MED12L: variants seen among roughly 807,000 people sequenced by gnomAD.
MED12L encodes the protein mediator of RNA polymerase II transcription subunit 12-like protein.
Under a neutral mutation model 281.3 loss-of-function variants are expected in MED12L, and 60 were observed. That is an observed-to-expected ratio of 0.21 (90% confidence interval 0.17 to 0.26). MED12L has a LOEUF of 0.26. MED12L is among the 10% of genes least tolerant of loss of function. The pLI is 1.00. For missense variants in MED12L, 2,146 were observed against 2,680.9 expected (o/e 0.80, Z 4.41); for synonymous variants, 974 against 987.2 (o/e 0.99, Z 0.25).
intron 2 of MED12L, among the ~76,000 whole-genome samples, chr3:151,112,333 T>C (rs573043344): frequency 8.0e-5 from 12 of 150,200 alleles, no homozygotes; most frequent in African/African-American, 2.9e-4. Context: ...CAGGCTGGAG[T>C]GCAGCAGCAC....
Position 151,433,091 on chromosome 3 carries a change from GCTT to G in MED12L, c.*288_*290del, listed in dbSNP as rs941320769. ...TGCTAGCAGACCTTTTGAAATTGGT[GCTT>G]TTTTTGAATCTCACATTTCTAGAAA... On this transcript the variant is annotated 3_prime_UTR_variant, in exon 45 of 45. Coordinates refer to ENST00000687756, the MANE Select transcript of MED12L (RefSeq NM_001393769.1). The G allele has an allele frequency of 6.8e-6, 2 of 293,838 alleles. No individual in the cohort carries two copies. Among genetic ancestry groups the G allele is most frequent in the African/African-American group, 4.4e-5 (2 of 45,860 alleles). 18.2% of individuals were successfully genotyped at this position (293,838 alleles called of 1,614,324 possible).
intron 16 of MED12L, among the ~76,000 whole-genome samples, chr3:151,215,241 A>G (rs573023589): frequency 6.6e-6 from 1 of 152,328 alleles, no homozygotes; most frequent in Admixed American, 6.5e-5. Flanking sequence ...CTACATCTGT[A>G]CTATTCAGTA....
chr3:151,145,631 CTAAG>C (rs1383601267), intron 5 of MED12L, among the ~76,000 whole-genome samples: 1 of 152,202 alleles, frequency 6.6e-6, no homozygotes, highest in African/African-American at 2.4e-5. Context: ...TTTGGCAAAA[CTAAG>C]TAAAGTGTCC....
chr3:151,366,130 A>G (rs1436209933), intron 23 of MED12L, 139 bp downstream of exon 23: 2 of 670,548 alleles, frequency 3.0e-6, no homozygotes, highest in Non-Finnish European at 4.4e-6. Context: ...GTCCAAAAGC[A>G]GTAAACCACA....
chr3:151,352,544 CT>C (rs34563543), intron 17 of MED12L, among the ~76,000 whole-genome samples: 189 of 152,234 alleles, frequency 1.2e-3, no homozygotes, highest in Non-Finnish European at 2.4e-3. Flanking sequence ...AATATGCCCA[CT>C]TTTTTCAGCA....
At chr3:151,160,857 C>T (rs554683969) in intron 8 of MED12L, among the ~76,000 whole-genome samples, 7 of 152,280 alleles carry the variant, frequency 4.6e-5, no homozygotes, top group African/African-American at 1.4e-4. Flanking sequence ...CTAAAACTCA[C>T]GGAGGCTTTG....
At chr3:151,090,810 C>T (rs887449891) in intron 2 of MED12L, among the ~76,000 whole-genome samples, 3 of 152,040 alleles carry the variant, frequency 2.0e-5, no homozygotes, top group East Asian at 3.9e-4. Flanking sequence ...GAGGCCGAGG[C>T]GGGTGGATCA....
At chr3:151,214,462 T>C in intron 16 of MED12L, 1 of 632,188 alleles carries the variant, frequency 1.6e-6, no homozygotes, top group African/African-American at 1.8e-5. Context: ...GCCACCTTTT[T>C]ACTCTGTGTA....
chr3:151,198,341 T>G (rs1322183358), intron 16 of MED12L: 30 of 924,922 alleles, frequency 3.2e-5, no homozygotes, highest in Non-Finnish European at 3.9e-5. Flanking sequence ...AGTTTTTTTT[T>G]GTTTTTTTTT....
At chr3:151,204,229 C>T (rs920065421) in intron 16 of MED12L, among the ~76,000 whole-genome samples, 1 of 151,882 alleles carries the variant, frequency 6.6e-6, no homozygotes, top group African/African-American at 2.4e-5. Context: ...GGTCAGTTTT[C>T]TGGATAAGAA....
intron 5 of MED12L, among the ~76,000 whole-genome samples, chr3:151,155,174 A>T (rs1049963504): frequency 6.6e-6 from 1 of 152,224 alleles, no homozygotes; most frequent in Non-Finnish European, 1.5e-5. Context: ...GAATAATGGG[A>T]AAACAGCATT....
At chr3:151,285,301 G>C (rs190808979) in intron 16 of MED12L, among the ~76,000 whole-genome samples, 5 of 151,776 alleles carry the variant, frequency 3.3e-5, no homozygotes, top group Non-Finnish European at 7.4e-5. Flanking sequence ...TGGCTAACAC[G>C]GTGAAACCCC....
chr3:151,155,034 A>G (rs1719084255), intron 5 of MED12L, among the ~76,000 whole-genome samples: 1 of 152,258 alleles, frequency 6.6e-6, no homozygotes, highest in Non-Finnish European at 1.5e-5. Context: ...ACTTAACAGT[A>G]GTTATCTCTG....
intron 16 of MED12L, among the ~76,000 whole-genome samples, chr3:151,310,676 T>C (rs1394358118): frequency 6.6e-6 from 1 of 152,246 alleles, no homozygotes; most frequent in Non-Finnish European, 1.5e-5. Context: ...ATATGGTTTT[T>C]AATTTCCCAC....
At chr3:151,366,466 C>T (rs1024332432) in intron 23 of MED12L, among the ~76,000 whole-genome samples, 5 of 152,072 alleles carry the variant, frequency 3.3e-5, no homozygotes, top group East Asian at 3.8e-4. Context: ...CGAGGATGTC[C>T]GGTGTTTTTT....
Position 151,294,227 on chromosome 3 carries a change from G to A in MED12L, c.2251-55832G>A. 1.2e-6 allele frequency: 2 copies of A among 1,613,430 alleles called. No homozygotes were observed. Among genetic ancestry groups the A allele is most frequent in the Non-Finnish European group, 1.7e-6 (2 of 1,179,380 alleles). The stretch of plus-strand genomic sequence containing the variant: ...TTCCGATCTTCTCACACTTTGCAGT[G>A]ATCTGATGCTTTCACTCCTGGTTCT... On this transcript the variant is annotated intron_variant, in intron 16 of 44. Transcript: ENST00000687756.
At chr3:151,116,581 C>G in intron 3 of MED12L, 139 bp downstream of exon 3, 1 of 599,996 alleles carries the variant, frequency 1.7e-6, no homozygotes, top group African/African-American at 1.8e-5. Context: ...GTATACCGTC[C>G]TGCCCCAGGA....
At chr3:151,107,050 C>G (rs990044365) in intron 2 of MED12L, among the ~76,000 whole-genome samples, 12 of 148,324 alleles carry the variant, frequency 8.1e-5, no homozygotes, top group African/African-American at 3.0e-4. Flanking sequence ...ATATGGTTGG[C>G]TTTGGGTCTA....
intron 36 of MED12L, among the ~76,000 whole-genome samples, chr3:151,386,670 G>A (rs150463574): frequency 0.023 from 3,357 of 148,410 alleles, 73 homozygotes; most frequent in Non-Finnish European, 0.03. Flanking sequence ...TCCACCTCCC[G>A]GGTTCAAGCA....
Sources: gnomAD v4.1 joint callset for allele counts (sites outside exome capture counted in the v4.1 genomes callset) on GRCh38, gnomAD v4.1.1 for gene constraint, MANE v1.5 for transcripts, NCBI Gene and HGNC (gene_info 2026-07-23, HGNC 2026-07-21) for gene names.